The following DDAH1 variants were observed in gnomAD, a reference collection of about 807,000 sequenced individuals.
DDAH1 encodes the protein dimethylarginine dimethylaminohydrolase 1.
DDAH1 carries 19 observed loss-of-function variants against 28.8 expected under a neutral mutation model. The ratio of observed to expected loss-of-function variants is 0.66; its 90% confidence interval spans 0.46 to 0.97. The LOEUF (loss-of-function observed/expected upper bound fraction) is 0.97, where lower values mean the gene tolerates loss of function less well. Among genes scored for constraint, DDAH1 ranks in the 50% least tolerant of loss-of-function variants. The pLI is 0.00. For synonymous variants in DDAH1, 153 were observed against 154.4 expected (o/e 0.99, Z 0.07); for missense variants, 326 against 375.9 (o/e 0.87, Z 1.10).
rs779555548 is a variant in DDAH1 at position 85,358,804 on chromosome 1, A to C, written c.347T>G (p.Ile116Arg). The C allele has an allele frequency of 1.9e-6, 3 of 1,613,120 alleles. No homozygotes were observed. Among genetic ancestry groups the C allele is most frequent in the Non-Finnish European group, 2.5e-6 (3 of 1,179,502 alleles). Residue 116 changes from isoleucine to arginine, a missense_variant, in exon 2 of 6, where the codon ATA (isoleucine) becomes AGA (arginine). By Grantham distance (97) the Ile-to-Arg change is moderately conservative. Coordinates refer to ENST00000284031, the MANE Select transcript of DDAH1 (RefSeq NM_012137.4). ...KEALEKLQLN[I>R]VEMKDENATL... ...TGCATTTTCATCTTTCATCTCTACT[A>C]TATTGAGCTGAAGTTTTTCTAATGC...
At chr1:85,502,803 A>G (rs72724680) in intron 1 of DDAH1, among the ~76,000 whole-genome samples, 3,664 of 152,090 alleles carry the variant, frequency 0.024, 150 homozygotes, top group African/African-American at 0.084. Flanking sequence ...TTCTCCAGAG[A>G]TAGCCCTGCC....
In DDAH1 at chr1:85,445,194, T is replaced by C. The variant is rs535966732; in HGVS notation, c.303+19549A>G. Among the ~76,000 whole-genome samples the C allele has an allele frequency of 1.8e-4, 27 of 152,238 alleles. No individual in the cohort carries two copies. The South Asian group carries it at 4.6e-3, about 26-fold the overall frequency. ...TTAATCTCCTTTGACAACACCCTCA[T>C]AGAAACACCCAGGATCAATACTTTG... On this transcript the variant is annotated intron_variant, in intron 1 of 5. Coordinates refer to ENST00000284031, the MANE Select transcript of DDAH1 (RefSeq NM_012137.4).
chr1:85,336,781 T>C (rs1448089946), intron 4 of DDAH1, among the ~76,000 whole-genome samples: 1 of 151,790 alleles, frequency 6.6e-6, no homozygotes, highest in African/African-American at 2.4e-5. Context: ...GATAAACTGC[T>C]AGACTAACCA....
At chr1:85,449,085 G>A (rs914308746) in intron 1 of DDAH1, among the ~76,000 whole-genome samples, 17 of 152,140 alleles carry the variant, frequency 1.1e-4, no homozygotes, top group African/African-American at 4.1e-4. Flanking sequence ...TCTGAGTCCC[G>A]TCAGTAAAAT....
At chr1:85,551,081 G>A (rs1658775732) in intron 1 of DDAH1, among the ~76,000 whole-genome samples, 1 of 152,202 alleles carries the variant, frequency 6.6e-6, no homozygotes, top group Non-Finnish European at 1.5e-5. Flanking sequence ...TTTTATGAAT[G>A]TATGACCTTA....
At chr1:85,478,555 T>C (rs1047742102) in intron 2 of DDAH1, among the ~76,000 whole-genome samples, 1 of 151,596 alleles carries the variant, frequency 6.6e-6, no homozygotes, top group African/African-American at 2.4e-5. Flanking sequence ...ACTTATTCAC[T>C]AACAGAATAG....
At chr1:85,330,045 T>C (rs111452668) in intron 4 of DDAH1, among the ~76,000 whole-genome samples, 1 of 152,248 alleles carries the variant, frequency 6.6e-6, no homozygotes, top group African/African-American at 2.4e-5. Context: ...TTCTCTTGTA[T>C]GTTGTTATTG....
At chr1:85,405,950 G>C (rs1289965903) in intron 1 of DDAH1, among the ~76,000 whole-genome samples, 1 of 152,202 alleles carries the variant, frequency 6.6e-6, no homozygotes, top group Non-Finnish European at 1.5e-5. Flanking sequence ...TTGTATTTAA[G>C]AGCACACGGA....
intron 1 of DDAH1, among the ~76,000 whole-genome samples, chr1:85,498,364 A>G (rs552596865): frequency 6.6e-6 from 1 of 152,186 alleles, no homozygotes; most frequent in Non-Finnish European, 1.5e-5. Flanking sequence ...CATTTCTTTT[A>G]AAGACAATTG....
intron 1 of DDAH1, among the ~76,000 whole-genome samples, chr1:85,545,826 T>C (rs1350019011): frequency 1.3e-5 from 2 of 152,128 alleles, no homozygotes; most frequent in Non-Finnish European, 2.9e-5. Flanking sequence ...TCTTCCCATG[T>C]ATTGCCTACT....
chr1:85,386,934 A>T (rs1184577366), intron 1 of DDAH1, among the ~76,000 whole-genome samples: 2 of 152,206 alleles, frequency 1.3e-5, no homozygotes, highest in Non-Finnish European at 2.9e-5. Context: ...TACCCTCCAG[A>T]CAGACAATTG....
At chr1:85,406,958 G>A (rs912224941) in intron 1 of DDAH1, among the ~76,000 whole-genome samples, 103 of 152,002 alleles carry the variant, frequency 6.8e-4, no homozygotes, top group Non-Finnish European at 2.4e-4. Flanking sequence ...TTAAAGGAAA[G>A]CTCTTTTATT....
rs116737937 is a variant in DDAH1 at position 85,453,197 on chromosome 1, T to C, written c.303+11546A>G. Among the ~76,000 whole-genome samples, 1,280 of 152,218 alleles carry C rather than the reference T, an allele frequency of 8.4e-3. 16 individuals are homozygous for C. Among genetic ancestry groups the C allele is most frequent in the African/African-American group, 0.03 (1,243 of 41,534 alleles). The stretch of plus-strand genomic sequence containing the variant: ...TTTCAAGAAAATGTTCTAACTTAAA[T>C]CCATATTATCCCATCCACTCACCAA... On this transcript the variant is annotated intron_variant, in intron 1 of 5. Coordinates refer to ENST00000284031, the MANE Select transcript of DDAH1 (RefSeq NM_012137.4).
At position 85,383,761 on chromosome 1, in the gene DDAH1, C is replaced by T. The variant is rs182963825; in HGVS notation, c.304-24914G>A. On this transcript the variant is annotated intron_variant, in intron 1 of 5. Transcript: ENST00000284031. ...AGGTCGGCAGCCATCGACATTGAGA[C>T]GAGACCCTCCCCAAGAAAAAGATTA... 3.4e-3 allele frequency among the ~76,000 whole-genome samples: 520 copies of T among 152,312 alleles called. 3 individuals carry two copies. The highest frequency in any genetic ancestry group is 0.012 in the African/African-American group (492 of 41,562).
chr1:85,319,573 A>T lies in DDAH1; in HGVS notation c.*1879T>A, dbSNP rs1661237814. The T allele has an allele frequency of 6.6e-6, 1 of 152,188 alleles. No individual in the cohort carries two copies. The highest frequency in any genetic ancestry group is 2.4e-5 in the African/African-American group (1 of 41,460). 9.4% of individuals were successfully genotyped at this position (152,188 alleles called of 1,614,324 possible). A position where few individuals can be genotyped will look rare whatever the true frequency, so the allele number is the denominator to read the frequency against. On this transcript the variant is annotated 3_prime_UTR_variant, in exon 6 of 6. Coordinates refer to ENST00000284031, the MANE Select transcript of DDAH1 (RefSeq NM_012137.4). ...GGGCCAGATTTAACCCAAAAGGACAACCTTGAGAACATTTTTTCTTTGTTA... is the reference window on the plus strand; with the variant it reads ...GGGCCAGATTTAACCCAAAAGGACATCCTTGAGAACATTTTTTCTTTGTTA...
In DDAH1 at chr1:85,439,078, T is replaced by C. The variant is rs1288853084; in HGVS notation, c.303+25665A>G. The stretch of plus-strand genomic sequence containing the variant: ...ATCAAATTCATAGAGTTGTAAAAAT[T>C]AAGTGAGCTGATAAAAATGCTTAAT... On this transcript the variant is annotated intron_variant, in intron 1 of 5. Transcript: ENST00000284031. 4.6e-5 allele frequency among the ~76,000 whole-genome samples: 7 copies of C among 152,318 alleles called. No individual in the cohort carries two copies. The Middle Eastern group carries it at 0.01, about 222-fold the overall frequency.
chr1:85,339,998 A>G (rs940119838), intron 4 of DDAH1, among the ~76,000 whole-genome samples: 2 of 152,192 alleles, frequency 1.3e-5, no homozygotes, highest in Admixed American at 6.5e-5. Context: ...TGCCAAATCA[A>G]TTCAGCCAAT....
chr1:85,324,567 T>C (rs556341452), intron 5 of DDAH1, among the ~76,000 whole-genome samples, 173 bp downstream of exon 5: 2 of 152,266 alleles, frequency 1.3e-5, no homozygotes, highest in Admixed American at 1.3e-4. Flanking sequence ...AGCAATGACA[T>C]GAATGAGAAA....
intron 1 of DDAH1, among the ~76,000 whole-genome samples, chr1:85,388,390 TATAA>T (rs1319900114): frequency 3.3e-5 from 5 of 152,184 alleles, no homozygotes; most frequent in East Asian, 1.9e-4. Flanking sequence ...ATACAAGTCA[TATAA>T]ATAGACAGTA....
Sources: allele counts gnomAD v4.1 joint callset (sites outside exome capture counted in the v4.1 genomes callset), GRCh38; gene constraint gnomAD v4.1.1; transcripts MANE v1.5; gene names NCBI Gene and HGNC (gene_info 2026-07-23, HGNC 2026-07-21).